The following DPH5 variants were observed in gnomAD, a reference collection of about 807,000 sequenced individuals.
DPH5 encodes diphthamide biosynthesis 5.
DPH5 carries 31 observed loss-of-function variants against 31.6 expected under a neutral mutation model. The observed-to-expected ratio is 0.98, with a 90% CI of 0.74 to 1.32. The LOEUF (loss-of-function observed/expected upper bound fraction) is 1.32. Among genes scored for constraint, DPH5 ranks in the 40% most tolerant of loss-of-function variants. The pLI, the probability that DPH5 is intolerant of heterozygous loss-of-function variation, is 0.00. For missense variants in DPH5, 309 were observed against 335.7 expected (o/e 0.92, Z 0.62); for synonymous variants, 120 against 115.0 (o/e 1.04, Z -0.28).
chr1:101,007,923 C>A (rs192255445), intron 4 of DPH5, among the ~76,000 whole-genome samples: 89 of 152,160 alleles, frequency 5.8e-4, no homozygotes, highest in Admixed American at 2.1e-3. Flanking sequence ...GCTTTTCTTT[C>A]ATTAGAAAAA....
At chr1:100,991,821 G>T (rs1657757529) in intron 7 of DPH5, among the ~76,000 whole-genome samples, 1 of 146,372 alleles carries the variant, frequency 6.8e-6, no homozygotes, top group Non-Finnish European at 1.5e-5. Flanking sequence ...AGTGGGCCAG[G>T]CGTGGTGGTT....
chr1:100,994,480 A>G (rs1290961420), intron 6 of DPH5, among the ~76,000 whole-genome samples: 4 of 151,974 alleles, frequency 2.6e-5, no homozygotes, highest in Admixed American at 2.0e-4. Flanking sequence ...AGGCTCAGAG[A>G]TGGAAGTAAC....
In DPH5 at chr1:100,990,272, T is replaced by A. The variant is rs1030393780; in HGVS notation, c.*136A>T. 2.6e-6 allele frequency: 2 copies of A among 756,994 alleles called. No homozygotes were observed. The highest frequency in any genetic ancestry group is 4.3e-6 in the Non-Finnish European group (2 of 461,484). The allele number at this position is 756,994 out of a possible 1,614,324, so 46.9% of individuals were successfully genotyped here. ...AATAGCATGAGGGAAACTGCCCCCA[T>A]GATTCAATTACCTACCACAACACCT... On this transcript the variant is annotated 3_prime_UTR_variant, in exon 8 of 8. Transcript: ENST00000370109.
intron 4 of DPH5, among the ~76,000 whole-genome samples, chr1:101,008,971 C>T (rs1659444299): frequency 6.6e-6 from 1 of 152,170 alleles, no homozygotes; most frequent in Admixed American, 6.5e-5. Flanking sequence ...TAATGCCCAG[C>T]CCCAAACAAC....
intron 5 of DPH5, among the ~76,000 whole-genome samples, chr1:100,997,866 G>A (rs988147920): frequency 6.6e-5 from 10 of 151,816 alleles, no homozygotes; most frequent in Admixed American, 2.0e-4. Context: ...ATTATCCTTC[G>A]CCCGTCATCT....
intron 3 of DPH5, among the ~76,000 whole-genome samples, chr1:101,019,579 A>G (rs1276082353): frequency 6.6e-6 from 1 of 152,220 alleles, no homozygotes; most frequent in East Asian, 1.9e-4. Flanking sequence ...TTTTTTGCTC[A>G]TATCTAAGAA....
At chr1:101,020,969 T>G (rs1461731773) in intron 3 of DPH5, among the ~76,000 whole-genome samples, 1 of 152,220 alleles carries the variant, frequency 6.6e-6, no homozygotes, top group Non-Finnish European at 1.5e-5. Context: ...AAATTCCTAG[T>G]CCCCTCCAAG....
intron 5 of DPH5, among the ~76,000 whole-genome samples, chr1:100,996,790 A>AGAGGT (rs1658396761): frequency 6.6e-6 from 1 of 152,188 alleles, no homozygotes; most frequent in Admixed American, 6.5e-5. Context: ...TATATCATAT[A>AGAGGT]TATTGGTCTT....
At chr1:101,003,637 G>A (rs1659029352) in intron 4 of DPH5, among the ~76,000 whole-genome samples, 1 of 152,178 alleles carries the variant, frequency 6.6e-6, no homozygotes. Flanking sequence ...GTGCCTAGTA[G>A]TGCCTTGCAC....
intron 4 of DPH5, among the ~76,000 whole-genome samples, chr1:101,012,475 C>T (rs1659767842): frequency 6.6e-6 from 1 of 152,186 alleles, no homozygotes; most frequent in Non-Finnish European, 1.5e-5. Context: ...AGTTTTAGCT[C>T]CATCTACCTA....
chr1:101,000,396 T>TACAAAATTTATAGTAACTTG (rs1197161525), intron 5 of DPH5, among the ~76,000 whole-genome samples: 25 of 152,198 alleles, frequency 1.6e-4, no homozygotes, highest in Non-Finnish European at 2.9e-4. Flanking sequence ...TAAGAATATG[T>TACAAAATTTATAGTAACTTG]ACAAAATTTA....
intron 4 of DPH5, 44 bp downstream of exon 4, chr1:101,013,666 C>T: frequency 3.2e-6 from 4 of 1,266,762 alleles, no homozygotes; most frequent in Non-Finnish European, 4.4e-6. Flanking sequence ...AAAAATAAAA[C>T]ATTTTTATTT....
chr1:101,007,109 A>C (rs1314760918), intron 4 of DPH5, among the ~76,000 whole-genome samples: 1 of 152,208 alleles, frequency 6.6e-6, no homozygotes, highest in East Asian at 1.9e-4. Flanking sequence ...GTATTTCAGA[A>C]TTTGTAATTT....
chr1:100,999,156 A>C (rs1658637397), intron 5 of DPH5, among the ~76,000 whole-genome samples: 1 of 152,228 alleles, frequency 6.6e-6, no homozygotes, highest in African/African-American at 2.4e-5. Context: ...AATCTTTTCT[A>C]TTAAGACATA....
At chr1:101,024,432 A>G (rs1174785403) in intron 2 of DPH5, among the ~76,000 whole-genome samples, 1 of 152,218 alleles carries the variant, frequency 6.6e-6, no homozygotes, top group Non-Finnish European at 1.5e-5. Context: ...ATATATGTAT[A>G]TATCAAAGTT....
At chr1:101,022,189 A>G (rs528434400) in intron 2 of DPH5, among the ~76,000 whole-genome samples, 1 of 152,224 alleles carries the variant, frequency 6.6e-6, no homozygotes, top group Non-Finnish European at 1.5e-5. Context: ...GCTTTTATTA[A>G]ATTTTCAATG....
At chr1:101,005,914 G>T (rs867786723) in intron 4 of DPH5, among the ~76,000 whole-genome samples, 1 of 152,108 alleles carries the variant, frequency 6.6e-6, no homozygotes, top group African/African-American at 2.4e-5. Flanking sequence ...ACCCGGTAGT[G>T]GGGGAGGTGA....
chr1:100,991,708 G>A lies in DPH5; in HGVS notation c.634+929C>T, dbSNP rs943081009. 1.9e-4 allele frequency among the ~76,000 whole-genome samples: 29 copies of A among 150,262 alleles called. No homozygotes were observed. The South Asian group carries it at 2.9e-3, about 15-fold the overall frequency. ...AGTGGCTAAGGTGAGAGGGTGGCTT[G>A]AGCCCGGGAGGCAGAGGTTGCAGTG... On this transcript the variant is annotated intron_variant, in intron 7 of 7. Coordinates refer to ENST00000370109, the MANE Select transcript of DPH5 (RefSeq NM_015958.3).
intron 4 of DPH5, among the ~76,000 whole-genome samples, chr1:101,002,465 TAA>T (rs575751719): frequency 6.6e-6 from 1 of 152,218 alleles, no homozygotes; most frequent in Non-Finnish European, 1.5e-5. Flanking sequence ...ATATTACATG[TAA>T]AAAGTTATTC....
Sources: allele counts gnomAD v4.1 joint callset (sites outside exome capture counted in the v4.1 genomes callset), GRCh38; gene constraint gnomAD v4.1.1; transcripts MANE v1.5; gene names NCBI Gene and HGNC (gene_info 2026-07-23, HGNC 2026-07-21).